Variants in DGKE observed in about 807,000 individuals in gnomAD.
The protein encoded by DGKE is diacylglycerol kinase epsilon.
Under a neutral mutation model 70.0 loss-of-function variants are expected in DGKE, and 53 were observed. The observed-to-expected ratio is 0.76, with a 90% confidence interval of 0.61 to 0.95. The LOEUF is 0.95. Ranked by LOEUF, DGKE falls within the 40% of genes least tolerant of loss-of-function variation. The pLI, the probability that DGKE is intolerant of heterozygous loss-of-function variation, is 0.00. For missense variants in DGKE, 655 were observed against 706.9 expected (o/e 0.93, Z 0.83); for synonymous variants, 291 against 257.0 (o/e 1.13, Z -1.27).
intron 7 of DGKE, among the ~76,000 whole-genome samples, chr17:56,851,105 C>G (rs1907620147): frequency 6.6e-6 from 1 of 152,082 alleles, no homozygotes; most frequent in Non-Finnish European, 1.5e-5. Flanking sequence ...GTGAAAATAG[C>G]TTAGAAGCCT....
chr17:56,834,924 G>A lies in DGKE; in HGVS notation c.129G>A (p.Gln43=), dbSNP rs139071284. ...PVFITFWCSL[Q]RSRRQLHRRD... ...TCATCACCTTCTGGTGTAGCCTCCA[G>A]CGGTCGCGCCGGCAGCTGCACCGCA... The change falls in exon 2 of 12, where the codon CAG becomes CAA. Residue 43 remains glutamine, a synonymous_variant. Transcript: ENST00000284061. 3,503 of 1,613,600 alleles carry A rather than the reference G, an allele frequency of 2.2e-3. 8 individuals carry two copies. Among genetic ancestry groups the A allele is most frequent in the Non-Finnish European group, 2.6e-3 (3,036 of 1,179,970 alleles).
At chr17:56,855,776 C>T (rs559660669) in intron 7 of DGKE, among the ~76,000 whole-genome samples, 5 of 152,034 alleles carry the variant, frequency 3.3e-5, no homozygotes, top group Non-Finnish European at 7.4e-5. Flanking sequence ...GAGGCAGAGG[C>T]AGGCGAATCA....
intron 9 of DGKE, 131 bp downstream of exon 9, chr17:56,858,796 G>A (rs1908108832): frequency 1.6e-6 from 1 of 613,172 alleles, no homozygotes; most frequent in African/African-American, 1.9e-5. Flanking sequence ...TTGTGTGCCA[G>A]GCACTTTGCT....
chr17:56,857,140 C>G (rs1908000730), intron 8 of DGKE, among the ~76,000 whole-genome samples: 1 of 152,104 alleles, frequency 6.6e-6, no homozygotes, highest in African/African-American at 2.4e-5. Flanking sequence ...TTATATAACT[C>G]TAACAAATTT....
At chr17:56,835,627 C>G in intron 2 of DGKE, 1 of 343,806 alleles carries the variant, frequency 2.9e-6, no homozygotes, top group Non-Finnish European at 5.2e-6. Context: ...GACAAATTAA[C>G]TTTTCCCTTC....
intron 7 of DGKE, 94 bp downstream of exon 7, chr17:56,849,326 C>T: frequency 8.7e-7 from 1 of 1,142,908 alleles, no homozygotes; most frequent in Non-Finnish European, 1.3e-6. Context: ...GTGCTTATCT[C>T]AAGGGAGCTG....
intron 7 of DGKE, 63 bp downstream of exon 7, chr17:56,849,295 G>A: frequency 1.4e-6 from 2 of 1,459,164 alleles, no homozygotes; most frequent in Non-Finnish European, 1.9e-6. Flanking sequence ...ACGGCACTCT[G>A]TGGTGGGATA....
At chr17:56,839,693 T>C (rs552920008) in intron 2 of DGKE, among the ~76,000 whole-genome samples, 52 of 151,910 alleles carry the variant, frequency 3.4e-4, no homozygotes, top group Non-Finnish European at 6.9e-4. Context: ...ATTTTTTTTT[T>C]CTTTTTTGTA....
chr17:56,835,187 A>G lies in DGKE; in HGVS notation c.392A>G (p.Asn131Ser). Residue 131 changes from asparagine (N) to serine (S), a missense_variant, in exon 2 of 12, where the codon AAC becomes AGC. Transcript: ENST00000284061. Reference protein sequence around the residue: ...DAMPHHWIRGNVPLCSYCMVC... With the variant: ...DAMPHHWIRGSVPLCSYCMVC... Reference sequence around the variant, plus strand: ...ATGCCCCACCACTGGATCCGGGGCAACGTGCCCCTGTGCAGTTACTGTATG... The same window carrying G: ...ATGCCCCACCACTGGATCCGGGGCAGCGTGCCCCTGTGCAGTTACTGTATG... The G allele has an allele frequency of 3.1e-6, 5 of 1,614,090 alleles. No individual in the cohort carries two copies. The highest frequency in any genetic ancestry group is 4.2e-6 in the Non-Finnish European group (5 of 1,180,040).
intron 4 of DGKE, 87 bp downstream of exon 4, chr17:56,845,896 T>A: frequency 7.9e-7 from 1 of 1,267,880 alleles, no homozygotes; most frequent in Admixed American, 3.0e-5. Flanking sequence ...ACTAATCACC[T>A]GATCATAGGA....
intron 9 of DGKE, among the ~76,000 whole-genome samples, chr17:56,859,952 T>TGCCATG (rs1437823162): frequency 6.6e-6 from 1 of 152,254 alleles, no homozygotes; most frequent in Non-Finnish European, 1.5e-5. Context: ...GTCTCTGGGC[T>TGCCATG]GCCATGGCGT....
At chr17:56,859,399 G>A (rs759401334) in intron 9 of DGKE, among the ~76,000 whole-genome samples, 34 of 151,862 alleles carry the variant, frequency 2.2e-4, no homozygotes, top group Non-Finnish European at 4.1e-4. Flanking sequence ...TATTGCAACA[G>A]CATCTCTGAC....
At chr17:56,845,850 T>C (rs763404581) in intron 4 of DGKE, 41 bp downstream of exon 4, 1 of 1,541,658 alleles carries the variant, frequency 6.5e-7, no homozygotes, top group East Asian at 2.3e-5. Flanking sequence ...TGTTTTCATT[T>C]TCCCCAAAAT....
At chr17:56,845,849 T>C in intron 4 of DGKE, 40 bp downstream of exon 4, 13 of 1,547,818 alleles carry the variant, frequency 8.4e-6, no homozygotes, top group Non-Finnish European at 1.1e-5. Flanking sequence ...ATGTTTTCAT[T>C]TTCCCCAAAA....
intron 2 of DGKE, among the ~76,000 whole-genome samples, chr17:56,843,766 C>G (rs372317779): frequency 9.0e-5 from 13 of 144,234 alleles, no homozygotes; most frequent in Non-Finnish European, 1.5e-4. Flanking sequence ...CCACTGCACT[C>G]CAGTCTGGTG....
At chr17:56,840,540 C>T (rs6503773) in intron 2 of DGKE, among the ~76,000 whole-genome samples, 111,146 of 151,962 alleles carry the variant, frequency 0.73, 40,864 homozygotes, top group East Asian at 0.91. Flanking sequence ...CACACCTGGC[C>T]AATTATTTTT....
intron 7 of DGKE, among the ~76,000 whole-genome samples, chr17:56,852,495 A>G (rs1421619681): frequency 6.6e-6 from 1 of 152,178 alleles, no homozygotes; most frequent in African/African-American, 2.4e-5. Flanking sequence ...CTACGGAAAG[A>G]GCTCTGGGAG....
intron 2 of DGKE, among the ~76,000 whole-genome samples, chr17:56,838,219 G>T (rs1906749533): frequency 6.6e-6 from 1 of 152,160 alleles, no homozygotes; most frequent in Admixed American, 6.5e-5. Flanking sequence ...CTCTCAGAAG[G>T]CAGTTAGATT....
Position 56,863,388 on chromosome 17 carries a change from TTA to T in DGKE, c.*599_*600del, listed in dbSNP as rs1908403660. ...GTATTACAATTTTTATTTTAGGAAC[TTA>T]TTCAGACACGTAAATGTTGTTTAAT... On this transcript the variant is annotated 3_prime_UTR_variant, in exon 12 of 12. Coordinates refer to ENST00000284061, the MANE Select transcript of DGKE (RefSeq NM_003647.3). 6.6e-6 allele frequency: 1 copy of T among 152,250 alleles called. No individual in the cohort carries two copies. Among genetic ancestry groups the T allele is most frequent in the Non-Finnish European group, 1.5e-5 (1 of 68,048 alleles). 9.4% of individuals were successfully genotyped at this position (152,250 alleles called of 1,614,324 possible). A position where few individuals can be genotyped will look rare whatever the true frequency, so the allele number is the denominator to read the frequency against.
Sources: gnomAD v4.1 joint callset for allele counts (sites outside exome capture counted in the v4.1 genomes callset) on GRCh38, gnomAD v4.1.1 for gene constraint, MANE v1.5 for transcripts, NCBI Gene and HGNC (gene_info 2026-07-23, HGNC 2026-07-21) for gene names.